PARN: variants seen among roughly 807,000 people sequenced by gnomAD.
PARN encodes the protein poly(A)-specific ribonuclease PARN.
In PARN, 71 loss-of-function variants were observed where a neutral mutation model predicts 102.8. The observed-to-expected ratio is 0.69, with a 90% CI of 0.57 to 0.84. PARN has a LOEUF of 0.84. Among genes scored for constraint, PARN ranks in the 40% least tolerant of loss-of-function variants. The pLI is 0.00. For missense variants in PARN, 782 were observed against 760.9 expected, an observed-to-expected ratio of 1.03 and a Z score of -0.33; for synonymous variants, 261 against 252.9, an observed-to-expected ratio of 1.03 and a Z score of -0.30.
rs568329285 is a variant in PARN, at chr16:14,569,747, T to C, written c.1262+11127A>G. On this transcript the variant is annotated intron_variant, in intron 18 of 23. Transcript: ENST00000437198. ...CAAAAGGATACATTCATAGACAGAT[T>C]AGAGGTAACCAGGAGCTGAGGGGAG... is the stretch of plus-strand genomic sequence containing the variant. Among the ~76,000 whole-genome samples, 8 of 152,258 alleles carry C rather than the reference T, an allele frequency of 5.3e-5. No homozygotes were observed. In the East Asian group the frequency reaches 1.5e-3, roughly 29 times the overall value.
chr16:14,597,438 T>C (rs762203759), intron 12 of PARN, among the ~76,000 whole-genome samples: 1 of 152,220 alleles, frequency 6.6e-6, no homozygotes, highest in African/African-American at 2.4e-5. Context: ...GGCTCACGCC[T>C]GTAATCCCAG....
intron 21 of PARN, among the ~76,000 whole-genome samples, chr16:14,484,324 C>T (rs1458009789): frequency 6.6e-6 from 1 of 152,164 alleles, no homozygotes; most frequent in African/African-American, 2.4e-5. Flanking sequence ...ATGGTGGCCT[C>T]TTGGTGCCCA....
At chr16:14,515,807 G>A (rs1018777889) in intron 21 of PARN, among the ~76,000 whole-genome samples, 1 of 151,930 alleles carries the variant, frequency 6.6e-6, no homozygotes, top group Non-Finnish European at 1.5e-5. Context: ...AGGCATACTG[G>A]CGCACATCTG....
chr16:14,593,066 G>T (rs898382870), intron 13 of PARN, among the ~76,000 whole-genome samples: 4 of 152,102 alleles, frequency 2.6e-5, no homozygotes, highest in African/African-American at 4.8e-5. Context: ...AACCCAAGAG[G>T]TGGAGGCTGC....
In PARN at chr16:14,569,226, T is replaced by TA. The variant is rs796386573; in HGVS notation, c.1262+11647dup. On this transcript the variant is annotated intron_variant, in intron 18 of 23. Transcript: ENST00000437198. ...ACTTCTCAAAAAATATATACAAATT[T>TA]AAAAAAAAAAAAGAATTTAAAAAAA... 8.6e-3 allele frequency among the ~76,000 whole-genome samples: 1,207 copies of TA among 139,978 alleles called. 16 individuals carry two copies. Among genetic ancestry groups the TA allele is most frequent in the Non-Finnish European group, 0.012 (768 of 63,878 alleles). 91.8% of individuals were successfully genotyped at this position (139,978 alleles called of 152,430 possible).
At chr16:14,495,920 G>A (rs1381893277) in intron 21 of PARN, among the ~76,000 whole-genome samples, 1 of 152,180 alleles carries the variant, frequency 6.6e-6, no homozygotes, top group Non-Finnish European at 1.5e-5. Flanking sequence ...TCGAGGTCAG[G>A]GGAGGGGAGG....
At chr16:14,552,286 G>A (rs1474308004) in intron 20 of PARN, among the ~76,000 whole-genome samples, 191 bp from the exon 21 acceptor site, 1 of 152,080 alleles carries the variant, frequency 6.6e-6, no homozygotes, top group East Asian at 1.9e-4. Context: ...AGTTATTTAC[G>A]TTAAAACTTC....
chr16:14,555,546 C>A, intron 19 of PARN, 108 bp downstream of exon 19: 1 of 513,212 alleles, frequency 1.9e-6, no homozygotes, highest in East Asian at 3.3e-5. Context: ...AAATCACAGC[C>A]CAATTTTGAG....
intron 21 of PARN, among the ~76,000 whole-genome samples, chr16:14,527,591 A>G (rs567121843): frequency 6.6e-6 from 1 of 152,280 alleles, no homozygotes; most frequent in African/African-American, 2.4e-5. Flanking sequence ...ACCGATCAAT[A>G]TATTATCTTG....
chr16:14,442,035 T>C (rs1960964627), intron 23 of PARN, among the ~76,000 whole-genome samples: 1 of 152,200 alleles, frequency 6.6e-6, no homozygotes, highest in South Asian at 2.1e-4. Context: ...GAACAATGTC[T>C]CTATTTACAG....
At chr16:14,517,424 T>A (rs1336687866) in intron 21 of PARN, among the ~76,000 whole-genome samples, 4 of 152,124 alleles carry the variant, frequency 2.6e-5, no homozygotes, top group Non-Finnish European at 2.9e-5. Context: ...ACACCAGAAG[T>A]GTGACTGACG....
chr16:14,561,424 C>A (rs904436585), intron 18 of PARN, among the ~76,000 whole-genome samples: 3 of 152,170 alleles, frequency 2.0e-5, no homozygotes, highest in Admixed American at 6.5e-5. Context: ...ACAGTATATT[C>A]AATGTGGTGT....
chr16:14,571,282 C>T (rs538138338), intron 18 of PARN, among the ~76,000 whole-genome samples: 2 of 147,768 alleles, frequency 1.4e-5, no homozygotes, highest in Non-Finnish European at 1.5e-5. Flanking sequence ...TATCAGGAGG[C>T]GGAGGCAGAG....
At chr16:14,605,020 G>A (rs192564042) in intron 10 of PARN, among the ~76,000 whole-genome samples, 23 of 152,252 alleles carry the variant, frequency 1.5e-4, no homozygotes, top group African/African-American at 3.4e-4. Context: ...GCTCACTGCA[G>A]CCTCAAATTT....
chr16:14,574,052 G>C (rs191741311), intron 18 of PARN, among the ~76,000 whole-genome samples: 9 of 152,282 alleles, frequency 5.9e-5, no homozygotes, highest in Non-Finnish European at 8.8e-5. Flanking sequence ...CTCAGAAGAA[G>C]ACAGAAAAAT....
intron 12 of PARN, among the ~76,000 whole-genome samples, chr16:14,597,970 C>T (rs1970628539): frequency 1.3e-5 from 2 of 152,066 alleles, no homozygotes; most frequent in East Asian, 1.9e-4. Context: ...ATGGTGAAAG[C>T]CCGTCTCAAC....
chr16:14,582,337 A>G (rs1969584585), intron 16 of PARN, 46 bp from the exon 17 acceptor site: 1 of 1,232,350 alleles, frequency 8.1e-7, no homozygotes, highest in South Asian at 1.2e-5. Context: ...AAGACTAGTA[A>G]GCACATTGCC....
Position 14,436,584 on chromosome 16 carries a change from C to CA in PARN, c.*132_*133insT. On this transcript the variant is annotated 3_prime_UTR_variant, in exon 24 of 24. Transcript: ENST00000437198. ...AAAAATAAAACCTGTTTTCTCCCCCCCAGGAGACAACTTGGTTTCCAACCC... is the reference window on the plus strand; with the variant it reads ...AAAAATAAAACCTGTTTTCTCCCCCCACAGGAGACAACTTGGTTTCCAACCC... 2 of 652,286 alleles carry CA rather than the reference C, an allele frequency of 3.1e-6. No homozygotes were observed. The highest frequency in any genetic ancestry group is 5.5e-6 in the Non-Finnish European group (2 of 366,256). 40.4% of individuals were successfully genotyped at this position (652,286 alleles called of 1,614,324 possible). A position where few individuals can be genotyped will look rare whatever the true frequency, so the allele number is the denominator to read the frequency against.
chr16:14,526,179 G>GT lies in PARN; in HGVS notation c.1480+25841dup, dbSNP rs370572514. On this transcript the variant is annotated intron_variant, in intron 21 of 23. Transcript: ENST00000437198. The stretch of plus-strand genomic sequence containing the variant: ...AAAAGAATTAAATAAATCATCCACT[G>GT]TTTTTTTTTTTTTTTGAGACGGAGT... 8.0e-3 allele frequency among the ~76,000 whole-genome samples: 1,078 copies of GT among 134,514 alleles called. 10 individuals carry two copies. The highest frequency in any genetic ancestry group is 0.037 in the South Asian group (157 of 4,216). 88.2% of individuals were successfully genotyped at this position (134,514 alleles called of 152,430 possible).
Sources: allele counts gnomAD v4.1 joint callset (sites outside exome capture counted in the v4.1 genomes callset), GRCh38; gene constraint gnomAD v4.1.1; transcripts MANE v1.5; gene names NCBI Gene and HGNC (gene_info 2026-07-23, HGNC 2026-07-21).